OTOA: variants seen among roughly 807,000 people sequenced by gnomAD.
OTOA encodes the protein cancer/testis antigen 108.
Under a neutral mutation model 110.8 loss-of-function variants are expected in OTOA, and 70 were observed. That is an observed-to-expected ratio of 0.63 (90% CI 0.52 to 0.77). The LOEUF is 0.77. Ranked by LOEUF, OTOA falls within the 30% of genes least tolerant of loss-of-function variation. The pLI is 0.00. For missense variants in OTOA, 917 were observed against 1,075.8 expected, an observed-to-expected ratio of 0.85 and a Z score of 2.06; for synonymous variants, 373 against 431.5, an observed-to-expected ratio of 0.86 and a Z score of 1.68.
At chr16:21,670,027 G>A (rs541892721) in intron 1 of OTOA, among the ~76,000 whole-genome samples, 6 of 152,204 alleles carry the variant, frequency 3.9e-5, no homozygotes, top group Non-Finnish European at 8.8e-5. Context: ...TTGAGAGGCT[G>A]AGGCAGGAGA....
intron 5 of OTOA, 146 bp downstream of exon 5, chr16:21,679,357 C>A: frequency 2.1e-6 from 2 of 959,580 alleles, no homozygotes; most frequent in Non-Finnish European, 3.2e-6. Flanking sequence ...CAACAAACAC[C>A]CTTGCTCCAC....
At chr16:21,728,620 C>T (rs1007685046) in intron 20 of OTOA, among the ~76,000 whole-genome samples, 189 bp downstream of exon 20, 21 of 151,138 alleles carry the variant, frequency 1.4e-4, no homozygotes, top group African/African-American at 4.9e-4. Context: ...GACGGAGTCT[C>T]GCTCTGTGGC....
intron 2 of OTOA, 79 bp downstream of exon 2, chr16:21,678,684 A>C: frequency 7.5e-7 from 1 of 1,338,322 alleles, no homozygotes; most frequent in Non-Finnish European, 1.1e-6. Flanking sequence ...CATTAGGTAC[A>C]TGATGCTGTA....
chr16:21,718,539 C>G (rs1251866297), intron 15 of OTOA, among the ~76,000 whole-genome samples: 1 of 152,160 alleles, frequency 6.6e-6, no homozygotes, highest in Non-Finnish European at 1.5e-5. Flanking sequence ...GAATGATACT[C>G]AAAGTTTCAG....
intron 14 of OTOA, 40 bp from the exon 15 acceptor site, chr16:21,716,867 T>G: frequency 1.2e-6 from 2 of 1,612,498 alleles, no homozygotes; most frequent in Non-Finnish European, 1.7e-6. Flanking sequence ...GCTCAATGCA[T>G]TTTTTACAAT....
chr16:21,736,278 G>T lies in OTOA; in HGVS notation c.2319G>T (p.Leu773=). ...SIATKFPEIL[L]QAASKMARTL... is the part of the protein sequence containing the mutation. ...TCACACAGTTTCCTGAGATCCTTCT[G>T]CAAGCAGCTTCCAAGATGGCCAGGA... The change falls in exon 22 of 29, where the codon CTG becomes CTT. Residue 773 remains leucine, a synonymous_variant. Transcript: ENST00000646100. 6.2e-7 allele frequency: 1 copy of T among 1,613,602 alleles called. No individual in the cohort carries two copies. The highest frequency in any genetic ancestry group is 1.6e-4 in the Middle Eastern group (1 of 6,062).
chr16:21,671,081 A>T (rs1966848392), intron 1 of OTOA, among the ~76,000 whole-genome samples: 1 of 152,034 alleles, frequency 6.6e-6, no homozygotes, highest in Non-Finnish European at 1.5e-5. Flanking sequence ...GTTTATTGAG[A>T]TGGTGTTTTT....
intron 20 of OTOA, chr16:21,730,222 T>C (rs1184820143): frequency 1.9e-5 from 3 of 155,696 alleles, no homozygotes. Flanking sequence ...CAGTGGATTC[T>C]GGGTCAGTGC....
At chr16:21,696,087 G>T (rs1387334124) in intron 9 of OTOA, among the ~76,000 whole-genome samples, 1 of 151,228 alleles carries the variant, frequency 6.6e-6, no homozygotes, top group Non-Finnish European at 1.5e-5. Context: ...TAGAGATGGG[G>T]TTTCGCCATG....
intron 24 of OTOA, among the ~76,000 whole-genome samples, chr16:21,750,203 T>C (rs1384262725): frequency 6.6e-6 from 1 of 151,638 alleles, no homozygotes; most frequent in Admixed American, 6.6e-5. Context: ...TCACTTGAGG[T>C]CAGGAGTTTG....
At chr16:21,677,606 T>C (rs1265913836) in intron 1 of OTOA, among the ~76,000 whole-genome samples, 4 of 149,910 alleles carry the variant, frequency 2.7e-5, no homozygotes, top group African/African-American at 4.9e-5. Flanking sequence ...CTCAGCCTCC[T>C]GAGTAGCTGG....
At chr16:21,749,607 C>A (rs1899759799) in intron 24 of OTOA, among the ~76,000 whole-genome samples, 1 of 143,072 alleles carries the variant, frequency 7.0e-6, no homozygotes, top group Admixed American at 7.0e-5. Flanking sequence ...ACTTAGGGGT[C>A]TCTCCTTGGA....
intron 24 of OTOA, among the ~76,000 whole-genome samples, chr16:21,749,716 C>G (rs1209759418): frequency 5.9e-5 from 7 of 118,200 alleles, no homozygotes; most frequent in Non-Finnish European, 1.7e-5. Context: ...CAGAGTCTCC[C>G]TCTGTCACCC....
intron 1 of OTOA, among the ~76,000 whole-genome samples, chr16:21,677,479 C>CTTTTTTT (rs778223383): frequency 1.1e-4 from 13 of 116,884 alleles, no homozygotes; most frequent in Middle Eastern, 4.6e-3. Flanking sequence ...AGCTTCATAT[C>CTTTTTTT]TTTTTTTTTT....
intron 14 of OTOA, 129 bp downstream of exon 14, chr16:21,715,281 G>A (rs1226593270): frequency 5.5e-6 from 7 of 1,268,470 alleles, no homozygotes; most frequent in Non-Finnish European, 6.9e-6. Context: ...GTCTGGGGTG[G>A]CTCTGCCTTC....
At chr16:21,730,409 G>T (rs566681127) in intron 20 of OTOA, 46 of 218,162 alleles carry the variant, frequency 2.1e-4, no homozygotes, top group African/African-American at 9.5e-4. Context: ...TAAAGAGAAC[G>T]GGAATGTATT....
intron 12 of OTOA, 99 bp from the exon 13 acceptor site, chr16:21,709,789 A>C: frequency 9.5e-7 from 1 of 1,051,310 alleles, no homozygotes; most frequent in Non-Finnish European, 1.5e-6. Context: ...GAACAGGGTC[A>C]AGGGAGGTGC....
Position 21,760,534 on chromosome 16 carries a change from G to A in OTOA, c.3414G>A (p.Leu1138=). ...TGCTGGTTCTAATGGCCAAGCTCCTGTGGTGAGTGGCCTGAGCGCATCGTC... is the reference window on the plus strand; with the variant it reads ...TGCTGGTTCTAATGGCCAAGCTCCTATGGTGAGTGGCCTGAGCGCATCGTC... ...CPLLVLMAKL[L]W Residue 1138 remains leucine (L), a synonymous_variant, in exon 29 of 29, where the codon CTG becomes CTA. Transcript: ENST00000646100. 1 of 1,606,076 alleles carries A rather than the reference G, an allele frequency of 6.2e-7. No individual in the cohort carries two copies. Among genetic ancestry groups the A allele is most frequent in the African/African-American group, 1.3e-5 (1 of 74,780 alleles).
chr16:21,732,474 A>G (rs1422417231), intron 21 of OTOA, among the ~76,000 whole-genome samples: 2 of 152,016 alleles, frequency 1.3e-5, no homozygotes, highest in Non-Finnish European at 2.9e-5. Context: ...GTAGTCTTTT[A>G]TCCCTTGGCC....
Sources: gnomAD v4.1 joint callset for allele counts (sites outside exome capture counted in the v4.1 genomes callset) on GRCh38, gnomAD v4.1.1 for gene constraint, MANE v1.5 for transcripts, NCBI Gene and HGNC (gene_info 2026-07-23, HGNC 2026-07-21) for gene names.